The following CDH13 variants were observed in gnomAD, a reference collection of about 807,000 sequenced individuals.
The protein encoded by CDH13 is cadherin 13, also known as cadherin-13.
CDH13 carries 24 observed loss-of-function variants against 63.8 expected under a neutral mutation model. The observed-to-expected ratio is 0.38, with a 90% CI of 0.27 to 0.53. The LOEUF (loss-of-function observed/expected upper bound fraction) is 0.53. Among genes scored for constraint, CDH13 ranks in the 20% least tolerant of loss-of-function variants. The probability of loss-of-function intolerance (pLI) is 0.85; values close to 1 mark genes in which losing one functional copy is unlikely to be tolerated. For synonymous variants in CDH13, 503 were observed against 355.3 expected (o/e 1.42, Z -4.67); for missense variants, 1,049 against 903.1 (o/e 1.16, Z -2.07).
chr16:83,017,439 CT>C (rs1338830322), intron 2 of CDH13, among the ~76,000 whole-genome samples: 2 of 152,168 alleles, frequency 1.3e-5, no homozygotes, highest in Admixed American at 1.3e-4. Context: ...AATCCACTCT[CT>C]TTCCCAAGGA....
At chr16:83,400,969 G>C (rs7185657) in intron 6 of CDH13, among the ~76,000 whole-genome samples, 145,408 of 152,240 alleles carry the variant, frequency 0.96, 69,453 homozygotes, top group South Asian at 0.97. Flanking sequence ...TTTGGCAGAC[G>C]GAGGTGAAGG....
chr16:83,553,494 A>G (rs1297649081), intron 7 of CDH13, among the ~76,000 whole-genome samples: 1 of 152,184 alleles, frequency 6.6e-6, no homozygotes, highest in African/African-American at 2.4e-5. Context: ...ACATTCTTCC[A>G]TGTAACTTTC....
At chr16:82,736,969 T>C (rs2033705723) in intron 1 of CDH13, among the ~76,000 whole-genome samples, 1 of 152,168 alleles carries the variant, frequency 6.6e-6, no homozygotes, top group African/African-American at 2.4e-5. Context: ...GAATATTCCT[T>C]TTCTGCCTCT....
intron 5 of CDH13, among the ~76,000 whole-genome samples, chr16:83,311,233 C>G (rs940266129): frequency 6.6e-6 from 1 of 152,184 alleles, no homozygotes; most frequent in South Asian, 2.1e-4. Context: ...CCCATTCCTC[C>G]ATGACCTCCT....
chr16:83,690,785 G>A (rs1462113875), intron 10 of CDH13, among the ~76,000 whole-genome samples: 1 of 152,106 alleles, frequency 6.6e-6, no homozygotes, highest in Non-Finnish European at 1.5e-5. Flanking sequence ...ACAGTGCCAC[G>A]ATTTTGGCTC....
In CDH13 at chr16:83,797,442, T is replaced by C. The variant is rs1055001206; in HGVS notation, c.*2412T>C. 1 of 152,214 alleles carries C rather than the reference T, an allele frequency of 6.6e-6. No individual in the cohort carries two copies. The highest frequency in any genetic ancestry group is 1.5e-5 in the Non-Finnish European group (1 of 68,044). 9.4% of individuals were successfully genotyped at this position (152,214 alleles called of 1,614,324 possible). A position where few individuals can be genotyped will look rare whatever the true frequency, so the allele number is the denominator to read the frequency against. On this transcript the variant is annotated 3_prime_UTR_variant, in exon 14 of 14. Coordinates refer to ENST00000567109, the MANE Select transcript of CDH13 (RefSeq NM_001257.5). The stretch of plus-strand genomic sequence containing the variant: ...TAATAAATAGAATATGCCTCAACTT[T>C]CCCTTATTTAAACATATTCTCTGTC...
chr16:83,070,868 C>A (rs919211369), intron 3 of CDH13, among the ~76,000 whole-genome samples: 7 of 115,464 alleles, frequency 6.1e-5, no homozygotes, highest in African/African-American at 1.7e-4. Flanking sequence ...CCCCCCCCCC[C>A]AAATATCAAT....
intron 10 of CDH13, among the ~76,000 whole-genome samples, chr16:83,733,417 G>A (rs954111849): frequency 2.0e-5 from 3 of 152,262 alleles, no homozygotes; most frequent in South Asian, 2.1e-4. Flanking sequence ...CTCTATAGAC[G>A]GTTGTCTATT....
intron 2 of CDH13, among the ~76,000 whole-genome samples, chr16:83,019,856 A>C (rs1333652646): frequency 1.3e-5 from 2 of 148,956 alleles, no homozygotes; most frequent in African/African-American, 4.9e-5. Context: ...AAAAAAAAAC[A>C]ATAAAAACGA....
intron 1 of CDH13, among the ~76,000 whole-genome samples, chr16:82,633,628 C>T (rs1367844242): frequency 6.6e-6 from 1 of 152,168 alleles, no homozygotes; most frequent in Non-Finnish European, 1.5e-5. Context: ...CCACCTGCCT[C>T]GGCCTCCCCA....
rs550117233 is a variant in CDH13 at position 82,933,015 on chromosome 16, A to AT, written c.157+74549dup. 1.3e-4 allele frequency among the ~76,000 whole-genome samples: 20 copies of AT among 152,140 alleles called. 1 individual carries two copies. The South Asian group carries it at 1.5e-3, about 11-fold the overall frequency. The stretch of plus-strand genomic sequence containing the variant: ...CAGTATATTGACTTACCAATTTCAT[A>AT]TTTTTTTATATTTTTATGACATATC... On this transcript the variant is annotated intron_variant, in intron 2 of 13. Transcript: ENST00000567109.
intron 1 of CDH13, among the ~76,000 whole-genome samples, chr16:82,700,334 G>A (rs1047436418): frequency 3.3e-5 from 5 of 152,316 alleles, no homozygotes; most frequent in Admixed American, 2.0e-4. Context: ...AAGAACAGAC[G>A]ATGAGAATCA....
At position 83,393,975 on chromosome 16, in the gene CDH13, C is replaced by T. The variant is rs2091837186; in HGVS notation, c.781+48969C>T. 3.3e-5 allele frequency among the ~76,000 whole-genome samples: 5 copies of T among 152,058 alleles called. No individual in the cohort carries two copies. In the South Asian group the frequency reaches 1.0e-3, roughly 32 times the overall value. On this transcript the variant is annotated intron_variant, in intron 6 of 13. Transcript: ENST00000567109. ...CATGGATGGACCTGGAGGTCATTATCCTTAGCAAACTAAGGCAGGAACAGA... is the reference window on the plus strand; with the variant it reads ...CATGGATGGACCTGGAGGTCATTATTCTTAGCAAACTAAGGCAGGAACAGA...
intron 4 of CDH13, among the ~76,000 whole-genome samples, chr16:83,134,935 C>G (rs2036217523): frequency 6.6e-6 from 1 of 152,134 alleles, no homozygotes; most frequent in South Asian, 2.1e-4. Context: ...TTTCGGTTCT[C>G]CATTTTAAAG....
intron 7 of CDH13, among the ~76,000 whole-genome samples, chr16:83,533,388 G>A (rs183139337): frequency 3.3e-4 from 50 of 152,218 alleles, no homozygotes; most frequent in African/African-American, 1.1e-3. Flanking sequence ...AGACAAGATG[G>A]GAGGTGCCTC....
At chr16:83,626,354 T>A (rs544976414) in intron 8 of CDH13, among the ~76,000 whole-genome samples, 2 of 152,314 alleles carry the variant, frequency 1.3e-5, no homozygotes, top group South Asian at 4.1e-4. Context: ...GTGAATAACA[T>A]GATTGGCGTT....
chr16:83,486,819 A>G (rs2073900980), intron 7 of CDH13, among the ~76,000 whole-genome samples, 164 bp downstream of exon 7: 1 of 152,150 alleles, frequency 6.6e-6, no homozygotes, highest in Admixed American at 6.6e-5. Flanking sequence ...GAAATGGGAT[A>G]TTATGTGACC....
At chr16:82,975,256 T>C (rs1268356927) in intron 2 of CDH13, among the ~76,000 whole-genome samples, 1 of 152,142 alleles carries the variant, frequency 6.6e-6, no homozygotes, top group Non-Finnish European at 1.5e-5. Context: ...AAAGCAGAGA[T>C]AAGGCTCCCA....
At chr16:83,624,255 C>T (rs1156974542) in intron 8 of CDH13, among the ~76,000 whole-genome samples, 4 of 152,120 alleles carry the variant, frequency 2.6e-5, no homozygotes, top group African/African-American at 4.8e-5. Flanking sequence ...CCAAATGCTA[C>T]TCTCATAGAA....
Sources: allele counts gnomAD v4.1 joint callset (sites outside exome capture counted in the v4.1 genomes callset), GRCh38; gene constraint gnomAD v4.1.1; transcripts MANE v1.5; gene names NCBI Gene and HGNC (gene_info 2026-07-23, HGNC 2026-07-21).